The following PLPBP variants were observed in gnomAD, a reference collection of about 807,000 sequenced individuals.
PLPBP encodes the protein pyridoxal phosphate binding protein.
A neutral mutation model predicts 31.2 loss-of-function variants in PLPBP; 21 were observed. The observed-to-expected ratio is 0.67, with a 90% CI of 0.48 to 0.97. PLPBP has a LOEUF of 0.97. PLPBP is among the 50% of genes least tolerant of loss of function. The pLI is 0.00. For missense variants in PLPBP, 308 were observed against 354.4 expected (o/e 0.87, Z 1.05); for synonymous variants, 124 against 135.6 (o/e 0.91, Z 0.59).
intron 1 of PLPBP, 71 bp from the exon 2 acceptor site, chr8:37,765,455 A>G (rs1803598029): frequency 1.4e-6 from 2 of 1,414,826 alleles, no homozygotes; most frequent in African/African-American, 1.5e-5. Context: ...ATCCTACAGG[A>G]TCTATCCTAT....
chr8:37,777,730 T>C (rs1443747045), intron 7 of PLPBP, among the ~76,000 whole-genome samples: 1 of 152,146 alleles, frequency 6.6e-6, no homozygotes, highest in Admixed American at 6.6e-5. Context: ...TGTGCCACTA[T>C]GCCCGGCTAA....
chr8:37,764,553 T>A (rs948163608), intron 1 of PLPBP, among the ~76,000 whole-genome samples: 1 of 152,202 alleles, frequency 6.6e-6, no homozygotes, highest in African/African-American at 2.4e-5. Flanking sequence ...ACTCGTAACT[T>A]CAGGTGATCC....
intron 4 of PLPBP, among the ~76,000 whole-genome samples, chr8:37,767,221 TTAAAG>T (rs957208348): frequency 1.1e-4 from 17 of 152,124 alleles, no homozygotes; most frequent in African/African-American, 4.1e-4. Flanking sequence ...TTGCACATAT[TTAAAG>T]TATAGAATTC....
chr8:37,765,417 A>G, intron 1 of PLPBP, 109 bp from the exon 2 acceptor site: 2 of 1,005,502 alleles, frequency 2.0e-6, no homozygotes, highest in Non-Finnish European at 3.1e-6. Context: ...GATCTTACCT[A>G]ATGCCAAGTT....
At chr8:37,775,873 G>A (rs376194723) in intron 6 of PLPBP, 45 bp from the exon 7 acceptor site, 12 of 1,524,968 alleles carry the variant, frequency 7.9e-6, no homozygotes, top group Admixed American at 3.3e-5. Context: ...TTTGGGCATC[G>A]TTAGAGAAGG....
At chr8:37,776,681 A>G (rs953695993) in intron 7 of PLPBP, among the ~76,000 whole-genome samples, 4 of 152,106 alleles carry the variant, frequency 2.6e-5, no homozygotes, top group African/African-American at 4.8e-5. Context: ...ATTAAGCTAT[A>G]ATTTTTGGAA....
intron 4 of PLPBP, 66 bp downstream of exon 4, chr8:37,766,421 G>A: frequency 6.7e-7 from 1 of 1,484,690 alleles, no homozygotes; most frequent in South Asian, 1.3e-5. Flanking sequence ...TACCCTTTGT[G>A]GAAGAGAGAG....
At chr8:37,766,638 A>G in intron 4 of PLPBP, 1 of 1,041,196 alleles carries the variant, frequency 9.6e-7, no homozygotes, top group South Asian at 4.4e-5. Flanking sequence ...GTAGCCCATA[A>G]ATTTTTTTAA....
chr8:37,764,945 C>A (rs1803582222), intron 1 of PLPBP, among the ~76,000 whole-genome samples: 1 of 152,110 alleles, frequency 6.6e-6, no homozygotes, highest in South Asian at 2.1e-4. Context: ...CCGAAGTGGG[C>A]AGATCACCTG....
chr8:37,766,168 C>T (rs1173781924), intron 3 of PLPBP, 112 bp from the exon 4 acceptor site: 3 of 775,088 alleles, frequency 3.9e-6, no homozygotes, highest in Admixed American at 2.6e-5. Flanking sequence ...TAGTTTATTA[C>T]ATTTAAGGAA....
Position 37,778,092 on chromosome 8 carries a change from A to G in PLPBP, c.816A>G (p.Ala272=). The G allele has an allele frequency of 1.9e-6, 3 of 1,613,158 alleles. No individual in the cohort carries two copies. Among genetic ancestry groups the G allele is most frequent in the Non-Finnish European group, 2.5e-6 (3 of 1,179,372 alleles). Residue 272 remains alanine (A), a synonymous_variant, in exon 8 of 8, where the codon GCA becomes GCG. Coordinates refer to ENST00000328195, the MANE Select transcript of PLPBP (RefSeq NM_007198.4). ...ACGTGAAGGCCCCGCTGGAGGTGGC[A>G]CAGGAGCACTGAGCCAGGGAATACT... ...AADVKAPLEV[A]QEH is the part of the protein sequence containing the mutation.
intron 1 of PLPBP, among the ~76,000 whole-genome samples, chr8:37,763,058 C>T (rs998836695): frequency 2.6e-5 from 4 of 152,122 alleles, no homozygotes; most frequent in African/African-American, 9.7e-5. Context: ...ATAGCCTTGG[C>T]GGATGCGAGG....
intron 7 of PLPBP, 113 bp downstream of exon 7, chr8:37,776,129 C>A: frequency 2.1e-6 from 2 of 950,018 alleles, no homozygotes; most frequent in Non-Finnish European, 1.6e-6. Context: ...CTTGGGATGG[C>A]AGTAAGGTAC....
intron 1 of PLPBP, among the ~76,000 whole-genome samples, chr8:37,764,473 C>T (rs1337398333): frequency 1.3e-5 from 2 of 152,206 alleles, no homozygotes; most frequent in African/African-American, 4.8e-5. Context: ...AGATGCCCAC[C>T]ACCACACCTG....
chr8:37,766,552 T>A, intron 4 of PLPBP, 197 bp downstream of exon 4: 1 of 1,211,566 alleles, frequency 8.3e-7, no homozygotes, highest in East Asian at 3.5e-5. Context: ...ATTTTCTGGG[T>A]TATATATACT....
chr8:37,767,844 C>T (rs1251325184), intron 4 of PLPBP, among the ~76,000 whole-genome samples: 8 of 122,700 alleles, frequency 6.5e-5, no homozygotes, highest in East Asian at 2.3e-4. Flanking sequence ...CTCGCTCTGT[C>T]GCCCAAGCTG....
chr8:37,775,253 T>C, intron 5 of PLPBP, 86 bp from the exon 6 acceptor site: 2 of 1,512,648 alleles, frequency 1.3e-6, no homozygotes, highest in Non-Finnish European at 1.8e-6. Context: ...GGTCACCTCT[T>C]CTGTCGTAAG....
intron 1 of PLPBP, among the ~76,000 whole-genome samples, chr8:37,764,294 C>T: frequency 6.7e-6 from 1 of 148,716 alleles, no homozygotes. Context: ...TTAGTAGAGA[C>T]AGGGTTTCAT....
chr8:37,777,866 C>G, intron 7 of PLPBP, 107 bp from the exon 8 acceptor site: 1 of 1,320,266 alleles, frequency 7.6e-7, no homozygotes, highest in Non-Finnish European at 1.0e-6. Context: ...CCACCACGCC[C>G]CGTCCATAGA....
Sources: gnomAD v4.1 joint callset for allele counts (sites outside exome capture counted in the v4.1 genomes callset) on GRCh38, gnomAD v4.1.1 for gene constraint, MANE v1.5 for transcripts, NCBI Gene and HGNC (gene_info 2026-07-23, HGNC 2026-07-21) for gene names.